The following ANGPT1 variants were observed in gnomAD, a reference collection of about 807,000 sequenced individuals.
ANGPT1 encodes angiopoietin-1.
Under a neutral mutation model 62.2 loss-of-function variants are expected in ANGPT1, and 17 were observed. That is an observed-to-expected ratio of 0.27 (90% CI 0.19 to 0.41). The LOEUF (loss-of-function observed/expected upper bound fraction) is 0.41. ANGPT1 is among the 10% of genes least tolerant of loss of function. ANGPT1 has a pLI of 1.00. For missense variants in ANGPT1, 478 were observed against 594.9 expected, an observed-to-expected ratio of 0.80 and a Z score of 2.04; for synonymous variants, 199 against 198.9, an observed-to-expected ratio of 1.00 and a Z score of 0.00.
At chr8:107,258,157 C>T (rs192023157) in intron 8 of ANGPT1, among the ~76,000 whole-genome samples, 5 of 151,974 alleles carry the variant, frequency 3.3e-5, no homozygotes, top group Admixed American at 1.3e-4. Flanking sequence ...ATGCTGCAAA[C>T]GGTACAATAG....
chr8:107,356,649 G>A (rs1298405085), intron 1 of ANGPT1, among the ~76,000 whole-genome samples: 19 of 152,162 alleles, frequency 1.2e-4, no homozygotes, highest in Admixed American at 1.2e-3. Flanking sequence ...AAAATTGAGG[G>A]CTAGGGGATA....
In ANGPT1 at chr8:107,322,072, G is replaced by A. The variant is rs1815165425; in HGVS notation, c.632C>T (p.Thr211Ile). The change falls in exon 4 of 9, where the codon ACC (threonine) becomes ATC (isoleucine). Residue 211 changes from threonine to isoleucine, a missense_variant. Thr to Ile is a moderately conservative substitution (Grantham distance 89). Around this residue, in one of 4 missense-constraint regions of ANGPT1, gnomAD observed 343 missense variants for 355.4 expected, o/e 0.97. Coordinates refer to ENST00000517746, the MANE Select transcript of ANGPT1 (RefSeq NM_001146.5). The stretch of plus-strand genomic sequence containing the variant: ...AAGGTTCTCTTTCTCTTCCTTTAAG[G>A]TGTCCAACTCTTCCTTGTGTTTTCC... ...MEGKHKEELD[T>I]LKEEKENLQG... 2 of 1,613,742 alleles carry A rather than the reference G, an allele frequency of 1.2e-6. No individual in the cohort carries two copies. The highest frequency in any genetic ancestry group is 1.7e-6 in the Non-Finnish European group (2 of 1,179,890).
At chr8:107,421,893 C>T (rs777264585) in intron 1 of ANGPT1, among the ~76,000 whole-genome samples, 19 of 152,102 alleles carry the variant, frequency 1.2e-4, no homozygotes, top group Non-Finnish European at 1.8e-4. Context: ...TTCGTCGCAG[C>T]CATCTGATTT....
Position 107,264,532 on chromosome 8 carries a change from T to C in ANGPT1, c.1206-181A>G, listed in dbSNP as rs374022530. 1.6e-4 allele frequency among the ~76,000 whole-genome samples: 24 copies of C among 152,142 alleles called. 1 individual carries two copies. Among genetic ancestry groups the C allele is most frequent in the East Asian group, 1.2e-3 (6 of 5,190 alleles). ...CCAAAAGAACAAAGGAAGGAAAAAG[T>C]TTATTTCATTATGCATGCTCAAACT... On this transcript the variant is annotated intron_variant, in intron 7 of 8. Transcript: ENST00000517746.
At chr8:107,391,889 C>G (rs2130305186) in intron 1 of ANGPT1, among the ~76,000 whole-genome samples, 1 of 152,172 alleles carries the variant, frequency 6.6e-6, no homozygotes, top group East Asian at 1.9e-4. Context: ...ATGCATTGCC[C>G]TATGATATTA....
At chr8:107,309,724 A>AT (rs1473909016) in intron 4 of ANGPT1, among the ~76,000 whole-genome samples, 2 of 152,098 alleles carry the variant, frequency 1.3e-5, no homozygotes, top group African/African-American at 4.8e-5. Flanking sequence ...TGAGGTTGGT[A>AT]TTTTTTTCTT....
At chr8:107,345,464 A>T (rs1313652761) in intron 2 of ANGPT1, among the ~76,000 whole-genome samples, 1 of 152,206 alleles carries the variant, frequency 6.6e-6, no homozygotes, top group Non-Finnish European at 1.5e-5. Context: ...AGAGATTAAA[A>T]AACAACCCAA....
At chr8:107,465,951 T>G (rs1430480376) in intron 1 of ANGPT1, among the ~76,000 whole-genome samples, 1 of 152,164 alleles carries the variant, frequency 6.6e-6, no homozygotes, top group Non-Finnish European at 1.5e-5. Context: ...CAGGAAGGAC[T>G]TCTATCTGGG....
At chr8:107,411,013 T>A (rs1411012838) in intron 1 of ANGPT1, among the ~76,000 whole-genome samples, 1 of 152,176 alleles carries the variant, frequency 6.6e-6, no homozygotes, top group Admixed American at 6.6e-5. Context: ...ATAACACTGG[T>A]TTCTGTGGAT....
intron 4 of ANGPT1, among the ~76,000 whole-genome samples, chr8:107,307,399 C>A (rs572882510): frequency 1.3e-5 from 2 of 152,082 alleles, no homozygotes; most frequent in Admixed American, 6.6e-5. Flanking sequence ...AAACTTCCTA[C>A]GACATTTCCT....
intron 4 of ANGPT1, among the ~76,000 whole-genome samples, chr8:107,309,809 AT>A (rs1814806418): frequency 1.3e-5 from 2 of 152,142 alleles, no homozygotes. Context: ...ACCTACAAAA[AT>A]GGCAATTGAA....
At chr8:107,365,761 C>A (rs969846221) in intron 1 of ANGPT1, among the ~76,000 whole-genome samples, 1 of 151,900 alleles carries the variant, frequency 6.6e-6, no homozygotes, top group Non-Finnish European at 1.5e-5. Flanking sequence ...AAAACATAAA[C>A]ATAACTAAGT....
intron 1 of ANGPT1, among the ~76,000 whole-genome samples, chr8:107,390,534 C>G (rs1164734559): frequency 6.6e-6 from 1 of 152,028 alleles, no homozygotes. Context: ...CAAAATCATA[C>G]GTGGGATTAA....
At chr8:107,360,102 C>A (rs570376247) in intron 1 of ANGPT1, among the ~76,000 whole-genome samples, 3 of 151,888 alleles carry the variant, frequency 2.0e-5, no homozygotes, top group Admixed American at 6.6e-5. Context: ...TACCTGCCAC[C>A]CCTAATTCTC....
At chr8:107,435,755 A>T (rs922000493) in intron 1 of ANGPT1, among the ~76,000 whole-genome samples, 3 of 152,222 alleles carry the variant, frequency 2.0e-5, no homozygotes, top group African/African-American at 7.2e-5. Flanking sequence ...TTCATTGCCC[A>T]CCATGTGCCG....
rs189469096 is a variant in ANGPT1 at position 107,399,190 on chromosome 8, C to G, written c.298-52093G>C. Among the ~76,000 whole-genome samples, 8 of 152,234 alleles carry G rather than the reference C, an allele frequency of 5.3e-5. 1 individual carries two copies. The highest frequency in any genetic ancestry group is 1.9e-4 in the African/African-American group (8 of 41,552). ...TAGGCCTGAAGTCCTCACTTCATCTCCTATTCCAGAAGCTTCTCTTCATGT... is the reference window on the plus strand; with the variant it reads ...TAGGCCTGAAGTCCTCACTTCATCTGCTATTCCAGAAGCTTCTCTTCATGT... On this transcript the variant is annotated intron_variant, in intron 1 of 8. Coordinates refer to ENST00000517746, the MANE Select transcript of ANGPT1 (RefSeq NM_001146.5).
At position 107,473,233 on chromosome 8, in the gene ANGPT1, T is replaced by C. The variant is rs1330189223; in HGVS notation, c.297+24029A>G. ...ATTTCTGTTTTCACAGAACCAGGTT[T>C]CTATTCAAACATTTTATCATAAACT... On this transcript the variant is annotated intron_variant, in intron 1 of 8. Transcript: ENST00000517746. Among the ~76,000 whole-genome samples the C allele has an allele frequency of 5.9e-5, 9 of 152,112 alleles. No individual in the cohort carries two copies. In the East Asian group the frequency reaches 7.7e-4, roughly 13 times the overall value.
At chr8:107,381,389 G>A (rs756791773) in intron 1 of ANGPT1, among the ~76,000 whole-genome samples, 6 of 152,160 alleles carry the variant, frequency 3.9e-5, no homozygotes, top group Non-Finnish European at 7.4e-5. Context: ...ACCTGTCAAT[G>A]TTTGCTTCTC....
chr8:107,364,700 G>T (rs1305744109), intron 1 of ANGPT1, among the ~76,000 whole-genome samples: 1 of 152,158 alleles, frequency 6.6e-6, no homozygotes, highest in Non-Finnish European at 1.5e-5. Flanking sequence ...CTACACCAAA[G>T]TGTAAGTATC....
Sources: gnomAD v4.1 joint callset for allele counts (sites outside exome capture counted in the v4.1 genomes callset) on GRCh38, gnomAD v4.1.1 for gene constraint, gnomAD v4.1.1 regional missense constraint, MANE v1.5 for transcripts, NCBI Gene and HGNC (gene_info 2026-07-23, HGNC 2026-07-21) for gene names.